The following SOX13 variants were observed in gnomAD, a reference collection of about 807,000 sequenced individuals.
SOX13 encodes transcription factor SOX-13.
Under a neutral mutation model 71.8 loss-of-function variants are expected in SOX13, and 28 were observed. The observed-to-expected ratio is 0.39, with a 90% CI of 0.29 to 0.53. The LOEUF is 0.53. Ranked by LOEUF, SOX13 falls within the 20% of genes least tolerant of loss-of-function variation. The pLI, the probability that SOX13 is intolerant of heterozygous loss-of-function variation, is 0.70. For missense variants in SOX13, 627 were observed against 810.3 expected (o/e 0.77, Z 2.75); for synonymous variants, 309 against 317.8 (o/e 0.97, Z 0.29).
intron 4 of SOX13, 130 bp downstream of exon 4, chr1:204,114,735 C>A: frequency 1.4e-6 from 1 of 708,992 alleles, no homozygotes; most frequent in East Asian, 2.6e-5. Flanking sequence ...TCCTGCCTGG[C>A]CTTAGGGGTC....
intron 1 of SOX13, among the ~76,000 whole-genome samples, chr1:204,102,353 G>C (rs1656377431): frequency 6.6e-6 from 1 of 152,178 alleles, no homozygotes; most frequent in South Asian, 2.1e-4. Context: ...TAATGATATA[G>C]CACTTCACCC....
intron 1 of SOX13, among the ~76,000 whole-genome samples, chr1:204,104,863 T>A (rs544342042): frequency 4.3e-4 from 65 of 151,656 alleles, no homozygotes; most frequent in African/African-American, 1.5e-3. Flanking sequence ...GGGAAGGCTG[T>A]CGTTGTGGAG....
At chr1:204,095,848 T>A (rs776356795) in intron 1 of SOX13, among the ~76,000 whole-genome samples, 1 of 152,208 alleles carries the variant, frequency 6.6e-6, no homozygotes, top group South Asian at 2.1e-4. Flanking sequence ...ACTCCAGCCC[T>A]GTAACTCTAT....
chr1:204,085,996 T>C (rs1274000692), intron 1 of SOX13, among the ~76,000 whole-genome samples: 1 of 149,108 alleles, frequency 6.7e-6, no homozygotes, highest in Non-Finnish European at 1.5e-5. Flanking sequence ...AAAGAAAGAA[T>C]GTAGGAAGTG....
intron 1 of SOX13, among the ~76,000 whole-genome samples, chr1:204,106,923 T>C (rs1414890341): frequency 1.3e-5 from 2 of 152,254 alleles, no homozygotes; most frequent in African/African-American, 4.8e-5. Context: ...TCTGGTGTTG[T>C]TAACAGGAGA....
At chr1:204,110,084 G>A (rs1485858979) in intron 1 of SOX13, among the ~76,000 whole-genome samples, 1 of 151,840 alleles carries the variant, frequency 6.6e-6, no homozygotes, top group East Asian at 1.9e-4. Flanking sequence ...CACCCGCCTC[G>A]GCCTCCCAAA....
chr1:204,115,769 C>T (rs948267961), intron 4 of SOX13, among the ~76,000 whole-genome samples: 3 of 143,174 alleles, frequency 2.1e-5, no homozygotes, highest in Non-Finnish European at 3.0e-5. Flanking sequence ...TGGGTTCAAG[C>T]GATTCTCCTG....
At position 204,114,620 on chromosome 1, in the gene SOX13, G is replaced by A; in HGVS notation, c.418+15G>A. On this transcript the variant is annotated intron_variant, in intron 4 of 13. Transcript: ENST00000367204. Reference sequence around the variant, plus strand: ...AGATGTCAAAGGTGAAGGCCTGTTGGGGGTGGGGGAGATGTTTGAACCCCA... The same window carrying A: ...AGATGTCAAAGGTGAAGGCCTGTTGAGGGTGGGGGAGATGTTTGAACCCCA... 1 of 1,592,872 alleles carries A rather than the reference G, an allele frequency of 6.3e-7. No individual in the cohort carries two copies. Among genetic ancestry groups the A allele is most frequent in the Non-Finnish European group, 8.6e-7 (1 of 1,160,740 alleles).
At chr1:204,094,484 C>T (rs1304857063) in intron 1 of SOX13, among the ~76,000 whole-genome samples, 1 of 152,204 alleles carries the variant, frequency 6.6e-6, no homozygotes, top group Non-Finnish European at 1.5e-5. Context: ...TTGTTGACCC[C>T]CTTCCCTCGG....
chr1:204,114,394 G>T lies in SOX13; in HGVS notation c.293G>T (p.Ser98Ile), dbSNP rs1178357594. 2.1e-5 allele frequency: 34 copies of T among 1,612,748 alleles called. No homozygotes were observed. The highest frequency in any genetic ancestry group is 2.8e-5 in the Non-Finnish European group (33 of 1,179,412). The change falls in exon 3 of 14, where the codon AGC (serine) becomes ATC (isoleucine). Residue 98 changes from serine to isoleucine, a missense_variant. By Grantham distance (142) the Ser-to-Ile change is moderately radical. This residue lies in a region of SOX13 where 447 missense variants were observed against 532.2 expected (regional missense o/e 0.84). Transcript: ENST00000367204. ...RPGVSEAASG[S>I]QEKLDFNRNL... ...GGAGTGTCGGAGGCTGCCTCTGGAAGCCAGGAGAAGCTGGACTTCAACCGA... is the reference window on the plus strand; with the variant it reads ...GGAGTGTCGGAGGCTGCCTCTGGAATCCAGGAGAAGCTGGACTTCAACCGA...
chr1:204,118,572 G>C (rs1656742917), intron 7 of SOX13: 1 of 152,076 alleles, frequency 6.6e-6, no homozygotes. Flanking sequence ...CGTTGCCCAG[G>C]CTGGTCTCCT....
Position 204,123,939 on chromosome 1 carries a change from T to C in SOX13, c.1375+135T>C. On this transcript the variant is annotated intron_variant, in intron 12 of 13. Coordinates refer to ENST00000367204, the MANE Select transcript of SOX13 (RefSeq NM_005686.3). The surrounding 1 kb of genome is among the most constrained non-coding windows in gnomAD (Gnocchi z 5.0). ...GAATCTGACGACAGGGGTGCAGGAG[T>C]TGCTGGGGATGTGAGGGCAGCTGGG... 1 of 1,019,312 alleles carries C rather than the reference T, an allele frequency of 9.8e-7. No homozygotes were observed. The allele number at this position is 1,019,312 out of a possible 1,614,324, so 63.1% of individuals were successfully genotyped here.
chr1:204,098,562 GATAAA>G (rs1558214578), intron 1 of SOX13, among the ~76,000 whole-genome samples: 2 of 152,168 alleles, frequency 1.3e-5, no homozygotes, highest in African/African-American at 2.4e-5. Flanking sequence ...GGAAAAAACT[GATAAA>G]ATAAGAGTGA....
At chr1:204,093,122 C>T (rs1023939115) in intron 1 of SOX13, among the ~76,000 whole-genome samples, 2 of 152,014 alleles carry the variant, frequency 1.3e-5, no homozygotes, top group African/African-American at 2.4e-5. Context: ...GACGTGGGGA[C>T]GTGGGGGAGG....
rs1173216713 is a variant in SOX13, at chr1:204,117,722, G to T, written c.775+15G>T. The T allele has an allele frequency of 1.3e-6, 2 of 1,576,710 alleles. No individual in the cohort carries two copies. Among genetic ancestry groups the T allele is most frequent in the Middle Eastern group, 1.7e-4 (1 of 5,988 alleles). On this transcript the variant is annotated intron_variant, in intron 7 of 13. Coordinates refer to ENST00000367204, the MANE Select transcript of SOX13 (RefSeq NM_005686.3). The stretch of plus-strand genomic sequence containing the variant: ...CTGCAAACCAGGTGAGTGTGAGAAG[G>T]GAGGTTCCACCACTGCGGCCAGCCT...
intron 1 of SOX13, among the ~76,000 whole-genome samples, chr1:204,105,223 C>T (rs538051744): frequency 3.2e-4 from 48 of 152,230 alleles, no homozygotes; most frequent in African/African-American, 1.0e-3. Flanking sequence ...ATGTCAAGGG[C>T]GAAGATGGCT....
Position 204,098,606 on chromosome 1 carries a change from G to A in SOX13, c.-1-14309G>A, listed in dbSNP as rs114891196. The stretch of plus-strand genomic sequence containing the variant: ...CGACTATTCATTAGGCATATGTGTT[G>A]CCAGGGTCTACTGAACACTCAGCTC... On this transcript the variant is annotated intron_variant, in intron 1 of 13. Coordinates refer to ENST00000367204, the MANE Select transcript of SOX13 (RefSeq NM_005686.3). 5.2e-3 allele frequency among the ~76,000 whole-genome samples: 792 copies of A among 152,296 alleles called. 4 individuals are homozygous for A. The highest frequency in any genetic ancestry group is 9.0e-3 in the Non-Finnish European group (615 of 68,032).
intron 7 of SOX13, chr1:204,119,751 T>G (rs1347350225): frequency 6.6e-6 from 1 of 152,106 alleles, no homozygotes; most frequent in Non-Finnish European, 1.5e-5. Flanking sequence ...GTCATGTCTG[T>G]GATCCCAGCA....
Position 204,127,693 on chromosome 1 carries a change from G to A in SOX13, c.*1559G>A, listed in dbSNP as rs978477304. 1 of 152,556 alleles carries A rather than the reference G, an allele frequency of 6.6e-6. No homozygotes were observed. The highest frequency in any genetic ancestry group is 1.5e-5 in the Non-Finnish European group (1 of 68,032). 9.5% of individuals were successfully genotyped at this position (152,556 alleles called of 1,614,324 possible). ...CAGCACATTTCTCCTGTTTACACTC[G>A]GGGGATTTTTTTGTTTTCTGATGAC... On this transcript the variant is annotated 3_prime_UTR_variant, in exon 14 of 14. Transcript: ENST00000367204.
Sources: gnomAD v4.1 joint callset for allele counts (sites outside exome capture counted in the v4.1 genomes callset) on GRCh38, gnomAD v4.1.1 for gene constraint, gnomAD v4.1.1 regional missense constraint, Gnocchi (gnomAD v3.1) non-coding constraint, MANE v1.5 for transcripts, NCBI Gene and HGNC (gene_info 2026-07-23, HGNC 2026-07-21) for gene names.